Variants in TCF7L2 observed in about 807,000 individuals in gnomAD.
TCF7L2 encodes transcription factor 7 like 2.
TCF7L2 carries 23 observed loss-of-function variants against 77.9 expected under a neutral mutation model. The ratio of observed to expected loss-of-function variants is 0.30; its 90% CI spans 0.21 to 0.42. TCF7L2 has a LOEUF of 0.42. TCF7L2 is among the 10% of genes least tolerant of loss of function. The pLI, the probability that TCF7L2 is intolerant of heterozygous loss-of-function variation, is 1.00. For missense variants in TCF7L2, 654 were observed against 793.1 expected, an observed-to-expected ratio of 0.82 and a Z score of 2.11; for synonymous variants, 413 against 340.2, an observed-to-expected ratio of 1.21 and a Z score of -2.36.
intron 3 of TCF7L2, among the ~76,000 whole-genome samples, chr10:112,955,180 T>C (rs541119736): frequency 6.7e-6 from 1 of 148,410 alleles, no homozygotes; most frequent in African/African-American, 2.4e-5. Context: ...GTAATATTAC[T>C]GTAATTACAC....
chr10:113,070,754 C>G (rs550270091), intron 5 of TCF7L2, among the ~76,000 whole-genome samples: 13 of 151,938 alleles, frequency 8.6e-5, no homozygotes, highest in East Asian at 7.7e-4. Context: ...AGCAAGGAAC[C>G]CTCCTTCTTA....
chr10:113,112,635 C>G (rs963711387), intron 5 of TCF7L2, among the ~76,000 whole-genome samples: 2 of 152,156 alleles, frequency 1.3e-5, no homozygotes, highest in Non-Finnish European at 2.9e-5. Flanking sequence ...CCTTTCCTTG[C>G]CAACATTCCT....
intron 4 of TCF7L2, among the ~76,000 whole-genome samples, chr10:112,992,224 C>G (rs2042681175): frequency 6.6e-6 from 1 of 152,164 alleles, no homozygotes; most frequent in South Asian, 2.1e-4. Context: ...CACCCCTTGC[C>G]AAGCGCAGAG....
chr10:112,966,208 A>G (rs1277191206), intron 4 of TCF7L2, among the ~76,000 whole-genome samples: 1 of 120,376 alleles, frequency 8.3e-6, no homozygotes, highest in Non-Finnish European at 1.8e-5. Context: ...ATATATATAT[A>G]TATTTTCTTT....
chr10:113,034,949 T>TC (rs2050895183), intron 4 of TCF7L2, among the ~76,000 whole-genome samples: 3 of 151,948 alleles, frequency 2.0e-5, no homozygotes, highest in Admixed American at 2.0e-4. Flanking sequence ...TCCTTTTCCT[T>TC]CCCCTCTCCC....
chr10:113,107,709 G>T (rs950905353), intron 5 of TCF7L2, among the ~76,000 whole-genome samples: 3 of 131,884 alleles, frequency 2.3e-5, no homozygotes, highest in African/African-American at 8.6e-5. Flanking sequence ...AGCCGAGATC[G>T]CACCAGTGCA....
At chr10:113,154,106 C>T (rs2071344264) in intron 11 of TCF7L2, among the ~76,000 whole-genome samples, 1 of 152,212 alleles carries the variant, frequency 6.6e-6, no homozygotes, top group African/African-American at 2.4e-5. Context: ...GTCTCCACTG[C>T]TTGGGACCTT....
intron 5 of TCF7L2, among the ~76,000 whole-genome samples, chr10:113,084,664 G>A (rs1270769993): frequency 3.3e-5 from 5 of 152,138 alleles, no homozygotes; most frequent in Non-Finnish European, 7.4e-5. Context: ...GGAGGCCGAG[G>A]TGGGCGGATC....
chr10:113,109,481 C>T (rs1267778319), intron 5 of TCF7L2, among the ~76,000 whole-genome samples: 2 of 152,186 alleles, frequency 1.3e-5, no homozygotes, highest in Admixed American at 6.5e-5. Flanking sequence ...AACCTCCCCT[C>T]CTGGGTTCAA....
At chr10:112,962,410 T>C (rs925625354) in intron 3 of TCF7L2, among the ~76,000 whole-genome samples, 1 of 152,138 alleles carries the variant, frequency 6.6e-6, no homozygotes, top group Non-Finnish European at 1.5e-5. Context: ...AAGAGCTACT[T>C]TCTGGCCAAG....
At chr10:112,974,707 T>C (rs1163530199) in intron 4 of TCF7L2, among the ~76,000 whole-genome samples, 4 of 152,174 alleles carry the variant, frequency 2.6e-5, no homozygotes, top group Non-Finnish European at 4.4e-5. Context: ...CCTCCCAAAG[T>C]GCTGGGATTA....
intron 5 of TCF7L2, among the ~76,000 whole-genome samples, chr10:113,054,038 G>T (rs2054927231): frequency 6.6e-6 from 1 of 152,204 alleles, no homozygotes; most frequent in Admixed American, 6.5e-5. Flanking sequence ...CTAGGCTGGT[G>T]CCGGTCAGGC....
In TCF7L2 at chr10:113,151,748, A is replaced by C. The variant is rs1358082308; in HGVS notation, c.1025A>C (p.Glu342Ala). Residue 342 changes from glutamate (E) to alanine (A), a missense_variant, in exon 10 of 14, where the codon GAA becomes GCA. Glu to Ala is a moderately radical substitution (Grantham distance 107). Around this residue, in one of 6 missense-constraint regions of TCF7L2, gnomAD observed 179 missense variants for 270.6 expected, o/e 0.66. Transcript: ENST00000627217. The surrounding 1 kb of genome is among the most constrained non-coding windows in gnomAD (Gnocchi z 5.2). ...AGAAAGCATCAGGACTCCAAAAAGG[A>C]AGAAGAAAAGAAGAAGCCCCACATA... is the stretch of plus-strand genomic sequence containing the variant. The C allele has an allele frequency of 6.2e-7, 1 of 1,602,568 alleles. No individual in the cohort carries two copies. Among genetic ancestry groups the C allele is most frequent in the Non-Finnish European group, 8.5e-7 (1 of 1,177,272 alleles).
In TCF7L2 at chr10:113,126,895, G is replaced by C. The variant is rs1434388946; in HGVS notation, c.553-14289G>C. ...CCTCTCTAGATGGTAAGCGCGGCCG[G>C]CGGCGGGCGGGCGGGCAGGGGTGCG... On this transcript the variant is annotated intron_variant, in intron 5 of 13. Coordinates refer to ENST00000627217, the MANE Select transcript of TCF7L2 (RefSeq NM_001146274.2). 4 of 985,432 alleles carry C rather than the reference G, an allele frequency of 4.1e-6. No individual in the cohort carries two copies. In the African/African-American group the frequency reaches 7.0e-5, roughly 17 times the overall value. 61.0% of individuals were successfully genotyped at this position (985,432 alleles called of 1,614,324 possible).
intron 5 of TCF7L2, among the ~76,000 whole-genome samples, chr10:113,082,894 G>C (rs1278780489): frequency 6.6e-6 from 1 of 152,016 alleles, no homozygotes; most frequent in Admixed American, 6.6e-5. Flanking sequence ...AGAGAGTACA[G>C]CTAGTCAGTG....
At chr10:113,090,226 T>C (rs566887354) in intron 5 of TCF7L2, among the ~76,000 whole-genome samples, 1 of 152,234 alleles carries the variant, frequency 6.6e-6, no homozygotes, top group Admixed American at 6.5e-5. Flanking sequence ...AAAGCAAAAG[T>C]CAATGCAGAT....
chr10:113,015,446 CTTT>C (rs67005436), intron 4 of TCF7L2, among the ~76,000 whole-genome samples: 7 of 103,200 alleles, frequency 6.8e-5, no homozygotes, highest in African/African-American at 9.2e-5. Flanking sequence ...GCCTGATGAG[CTTT>C]TTTTTTTTTT....
At chr10:113,048,702 C>T (rs948671787) in intron 5 of TCF7L2, among the ~76,000 whole-genome samples, 8 of 152,146 alleles carry the variant, frequency 5.3e-5, no homozygotes, top group African/African-American at 1.2e-4. Context: ...TTATGTGGAA[C>T]GTGGTTGCAC....
chr10:113,039,121 A>G (rs2051946690), intron 4 of TCF7L2, among the ~76,000 whole-genome samples: 1 of 152,222 alleles, frequency 6.6e-6, no homozygotes, highest in South Asian at 2.1e-4. Context: ...AACAGAAGTT[A>G]AATGCCTAAG....
Sources: gnomAD v4.1 joint callset for allele counts (sites outside exome capture counted in the v4.1 genomes callset) on GRCh38, gnomAD v4.1.1 for gene constraint, gnomAD v4.1.1 regional missense constraint, Gnocchi (gnomAD v3.1) non-coding constraint, MANE v1.5 for transcripts, NCBI Gene and HGNC (gene_info 2026-07-23, HGNC 2026-07-21) for gene names.